DACH1: variants seen among roughly 807,000 people sequenced by gnomAD.
DACH1 encodes the protein dachshund homolog 1.
In DACH1, 12 loss-of-function variants were observed where a neutral mutation model predicts 54.2. The observed-to-expected ratio is 0.22, with a 90% CI of 0.14 to 0.36. DACH1 has a LOEUF of 0.36. Among genes scored for constraint, DACH1 ranks in the 10% least tolerant of loss-of-function variants. DACH1 has a pLI of 1.00. For synonymous variants in DACH1, 386 were observed against 366.2 expected, an observed-to-expected ratio of 1.05 and a Z score of -0.62; for missense variants, 805 against 929.8, an observed-to-expected ratio of 0.87 and a Z score of 1.75.
intron 3 of DACH1, among the ~76,000 whole-genome samples, chr13:71,619,555 A>G (rs1218509677): frequency 6.6e-6 from 1 of 152,004 alleles, no homozygotes; most frequent in Non-Finnish European, 1.5e-5. Flanking sequence ...TCAACAGCAG[A>G]GTAAATGTAG....
At position 71,573,309 on chromosome 13, in the gene DACH1, A is replaced by C. The variant is rs576326346; in HGVS notation, c.1127-297T>G. On this transcript the variant is annotated intron_variant, in intron 3 of 10. Transcript: ENST00000613252. ...ACTAGGGTTTTCTTTAACTTATCCC[A>C]ATTAGCTATGTAAATATAGTATATC... 4 of 638,414 alleles carry C rather than the reference A, an allele frequency of 6.3e-6. No individual in the cohort carries two copies. In the East Asian group the frequency reaches 1.1e-4, roughly 18 times the overall value. The allele number at this position is 638,414 out of a possible 1,614,324, so 39.5% of individuals were successfully genotyped here.
At chr13:71,812,523 C>G (rs191334945) in intron 1 of DACH1, among the ~76,000 whole-genome samples, 9 of 48,272 alleles carry the variant, frequency 1.9e-4, no homozygotes, top group African/African-American at 4.2e-4. Context: ...ATGGCACCAT[C>G]AGAAACACAT....
intron 1 of DACH1, among the ~76,000 whole-genome samples, chr13:71,695,638 AG>A (rs1218080612): frequency 6.6e-6 from 1 of 152,224 alleles, no homozygotes; most frequent in African/African-American, 2.4e-5. Context: ...GAGTGTGTCC[AG>A]GCCTCAACAA....
chr13:71,557,111 A>T lies in DACH1; in HGVS notation c.1483T>A (p.Ser495Thr), dbSNP rs1722570157. The T allele has an allele frequency of 6.2e-7, 1 of 1,612,558 alleles. No homozygotes were observed. The highest frequency in any genetic ancestry group is 1.3e-5 in the African/African-American group (1 of 74,894). Residue 495 changes from serine (S) to threonine (T), a missense_variant, in exon 6 of 11, where the codon TCA becomes ACA. Around this residue, in one of 3 missense-constraint regions of DACH1, gnomAD observed 472 missense variants for 545.3 expected, o/e 0.87. Transcript: ENST00000613252. ...TTGGGCCCAGGAAGTACATTTGGTGATAAGCCCATCAGCATCTGGTTCATG... is the reference window on the plus strand; with the variant it reads ...TTGGGCCCAGGAAGTACATTTGGTGTTAAGCCCATCAGCATCTGGTTCATG... Reference protein sequence around the residue: ...LSMNQMLMGLSPNVLPGPKEG... With the variant: ...LSMNQMLMGLTPNVLPGPKEG...
At chr13:71,716,362 C>A (rs372293537) in intron 1 of DACH1, among the ~76,000 whole-genome samples, 1 of 152,218 alleles carries the variant, frequency 6.6e-6, no homozygotes, top group African/African-American at 2.4e-5. Flanking sequence ...CACCAAATTT[C>A]TTATCATAGC....
chr13:71,781,133 A>T (rs1886353554), intron 1 of DACH1, among the ~76,000 whole-genome samples: 1 of 151,808 alleles, frequency 6.6e-6, no homozygotes, highest in African/African-American at 2.4e-5. Flanking sequence ...AGATTTTGTT[A>T]TGGTAAGTTT....
intron 1 of DACH1, among the ~76,000 whole-genome samples, chr13:71,861,665 G>A (rs1032823972): frequency 5.9e-5 from 9 of 151,814 alleles, no homozygotes; most frequent in African/African-American, 1.7e-4. Flanking sequence ...GACATTAGGC[G>A]TTATTGGAAG....
intron 6 of DACH1, among the ~76,000 whole-genome samples, chr13:71,508,181 C>T (rs572658192): frequency 4.6e-5 from 7 of 152,236 alleles, no homozygotes; most frequent in Admixed American, 6.5e-5. Context: ...CATATTAGTA[C>T]GTTTACTTAC....
At chr13:71,662,575 A>T (rs1392047003) in intron 2 of DACH1, among the ~76,000 whole-genome samples, 1 of 152,058 alleles carries the variant, frequency 6.6e-6, no homozygotes, top group Non-Finnish European at 1.5e-5. Flanking sequence ...ATCCCAATAG[A>T]TGGTAACAAT....
At position 71,572,091 on chromosome 13, in the gene DACH1, A is replaced by G. The variant is rs118121302; in HGVS notation, c.1299+749T>C. ...AAATAATGATCATGCAGCATAAAATATCTTGTACTTAGTTTAAAAATTAAT... is the reference window on the plus strand; with the variant it reads ...AAATAATGATCATGCAGCATAAAATGTCTTGTACTTAGTTTAAAAATTAAT... On this transcript the variant is annotated intron_variant, in intron 4 of 10. Transcript: ENST00000613252. Among the ~76,000 whole-genome samples, 964 of 152,300 alleles carry G rather than the reference A, an allele frequency of 6.3e-3. 4 individuals carry two copies. In the Middle Eastern group the frequency reaches 0.068, roughly 11 times the overall value.
At chr13:71,450,673 T>C (rs184203829) in intron 10 of DACH1, among the ~76,000 whole-genome samples, 7 of 152,126 alleles carry the variant, frequency 4.6e-5, no homozygotes, top group Non-Finnish European at 8.8e-5. Flanking sequence ...CTTGCACAGT[T>C]TGCCAAACTG....
chr13:71,488,893 A>G, intron 7 of DACH1, 104 bp downstream of exon 7: 5 of 1,054,284 alleles, frequency 4.7e-6, no homozygotes, highest in Non-Finnish European at 6.8e-6. Context: ...ACCATGTTTC[A>G]GTCAGTCTAA....
chr13:71,589,744 C>A (rs1477236598), intron 3 of DACH1, among the ~76,000 whole-genome samples: 3 of 151,918 alleles, frequency 2.0e-5, no homozygotes, highest in African/African-American at 7.2e-5. Flanking sequence ...TAAACTTCAA[C>A]CCCTTGCCTC....
intron 1 of DACH1, among the ~76,000 whole-genome samples, chr13:71,710,770 A>ATG: frequency 6.6e-6 from 1 of 152,166 alleles, no homozygotes; most frequent in Admixed American, 6.5e-5. Flanking sequence ...TCTTACATAA[A>ATG]ATAGCAGAAG....
intron 1 of DACH1, among the ~76,000 whole-genome samples, chr13:71,860,228 A>G (rs12583661): frequency 0.098 from 14,850 of 151,342 alleles, 1,774 homozygotes; most frequent in East Asian, 0.56. Flanking sequence ...ATGTACACAC[A>G]CACACACACA....
At position 71,440,460 on chromosome 13, in the gene DACH1, G is replaced by A; in HGVS notation, c.*195C>T. 1.9e-6 allele frequency: 1 copy of A among 514,630 alleles called. No homozygotes were observed. 31.9% of individuals were successfully genotyped at this position (514,630 alleles called of 1,614,324 possible). The stretch of plus-strand genomic sequence containing the variant: ...ATTTACAAACATTCTCAGGTCTCTG[G>A]TATGAACCACAGGTGAAAATCAATG... On this transcript the variant is annotated 3_prime_UTR_variant, in exon 11 of 11. Coordinates refer to ENST00000613252, the MANE Select transcript of DACH1 (RefSeq NM_080759.6).
At position 71,866,305 on chromosome 13, in the gene DACH1, G is replaced by GCTA; in HGVS notation, c.462_464dup (p.Ser163dup). 6.4e-7 allele frequency: 1 copy of GCTA among 1,555,026 alleles called. No individual in the cohort carries two copies. The highest frequency in any genetic ancestry group is 1.9e-5 in the Admixed American group (1 of 51,624). On this transcript the variant is annotated inframe_insertion, in exon 1 of 11. Coordinates refer to ENST00000613252, the MANE Select transcript of DACH1 (RefSeq NM_080759.6). The stretch of plus-strand genomic sequence containing the variant: ...AGCTGCTGCTGCTACTGCTGCTGCT[G>GCTA]CTACTACTGCTGCTGCTGCTGCTGC...
At chr13:71,543,450 GA>G (rs993919633) in intron 6 of DACH1, among the ~76,000 whole-genome samples, 1 of 151,882 alleles carries the variant, frequency 6.6e-6, no homozygotes, top group Non-Finnish European at 1.5e-5. Context: ...CAATTCAGAG[GA>G]AAAAACATCA....
chr13:71,627,113 A>G (rs1451609464), intron 3 of DACH1, among the ~76,000 whole-genome samples: 2 of 151,938 alleles, frequency 1.3e-5, no homozygotes, highest in Non-Finnish European at 2.9e-5. Flanking sequence ...TTACCATGTA[A>G]AATTGGGATA....
Sources: gnomAD v4.1 joint callset for allele counts (sites outside exome capture counted in the v4.1 genomes callset) on GRCh38, gnomAD v4.1.1 for gene constraint, gnomAD v4.1.1 regional missense constraint, MANE v1.5 for transcripts, NCBI Gene and HGNC (gene_info 2026-07-23, HGNC 2026-07-21) for gene names.